Variants in GRAMD1B observed in about 807,000 individuals in gnomAD.
GRAMD1B encodes the protein protein Aster-B.
A neutral mutation model predicts 99.7 loss-of-function variants in GRAMD1B; 37 were observed. That is an observed-to-expected ratio of 0.37 (90% CI 0.29 to 0.49). The LOEUF is 0.49. Ranked by LOEUF, GRAMD1B falls within the 20% of genes least tolerant of loss-of-function variation. GRAMD1B has a pLI of 0.98. For synonymous variants in GRAMD1B, 427 were observed against 387.6 expected, an observed-to-expected ratio of 1.10 and a Z score of -1.19; for missense variants, 888 against 1,009.2, an observed-to-expected ratio of 0.88 and a Z score of 1.63.
rs192558802 is a variant in GRAMD1B, at chr11:123,401,357, A to G, written c.-176+42558A>G. Among the ~76,000 whole-genome samples, 211 of 152,364 alleles carry G rather than the reference A, an allele frequency of 1.4e-3. 1 individual carries two copies. Among genetic ancestry groups the G allele is most frequent in the African/African-American group, 5.0e-3 (207 of 41,592 alleles). On this transcript the variant is annotated intron_variant, in intron 1 of 20. Transcript: ENST00000638157. ...GGCATGTGTTGTGCTCCCAGGTGTC[A>G]CAGCCTGTTGCGTCCGCTCTGGACC...
intron 2 of GRAMD1B, among the ~76,000 whole-genome samples, chr11:123,559,178 G>T (rs1946444711): frequency 6.6e-6 from 1 of 152,212 alleles, no homozygotes; most frequent in African/African-American, 2.4e-5. Flanking sequence ...CCCTAGACCT[G>T]CTCTATCAGA....
intron 1 of GRAMD1B, among the ~76,000 whole-genome samples, chr11:123,364,851 A>C (rs1344261882): frequency 1.3e-5 from 2 of 152,254 alleles, no homozygotes; most frequent in East Asian, 3.9e-4. Context: ...TCAAAAAAAA[A>C]ATTTGCAAAA....
intron 1 of GRAMD1B, among the ~76,000 whole-genome samples, chr11:123,453,950 A>G (rs1319544628): frequency 6.6e-6 from 1 of 152,186 alleles, no homozygotes; most frequent in Non-Finnish European, 1.5e-5. Context: ...AAGGCTCTGT[A>G]TCTTTGTAAA....
intron 2 of GRAMD1B, among the ~76,000 whole-genome samples, chr11:123,540,106 T>C (rs1371974593): frequency 6.6e-6 from 1 of 151,936 alleles, no homozygotes; most frequent in East Asian, 1.9e-4. Flanking sequence ...GTTTCTGTCA[T>C]GTGGGCTGGA....
At chr11:123,607,755 C>T (rs1044231310) in intron 11 of GRAMD1B, 1 of 152,224 alleles carries the variant, frequency 6.6e-6, no homozygotes, top group Non-Finnish European at 1.5e-5. Context: ...AAATGGCAGC[C>T]TCCTCCTGAG....
chr11:123,364,285 G>A (rs1343586752), intron 1 of GRAMD1B, among the ~76,000 whole-genome samples: 1 of 152,212 alleles, frequency 6.6e-6, no homozygotes, highest in African/African-American at 2.4e-5. Flanking sequence ...TGTAGTGGCT[G>A]ATTTTTCCCT....
Position 123,369,321 on chromosome 11 carries a change from C to T in GRAMD1B, c.-176+10522C>T, listed in dbSNP as rs78811842. 9.0e-3 allele frequency among the ~76,000 whole-genome samples: 1,367 copies of T among 151,958 alleles called. 13 individuals carry two copies. The highest frequency in any genetic ancestry group is 0.031 in the African/African-American group (1,285 of 41,444). On this transcript the variant is annotated intron_variant, in intron 1 of 20. Coordinates refer to the GRAMD1B transcript ENST00000638157. ...ATCTCTAAAAAGAAAAAAAGGAAAT[C>T]GCTTGAATATGTTTATCAATACATA...
At chr11:123,401,309 C>G (rs1021619168) in intron 1 of GRAMD1B, among the ~76,000 whole-genome samples, 5 of 152,144 alleles carry the variant, frequency 3.3e-5, no homozygotes, top group African/African-American at 1.2e-4. Flanking sequence ...GGCTATTCTG[C>G]TAGAAGCATC....
chr11:123,393,518 G>T (rs2135869121), intron 1 of GRAMD1B, among the ~76,000 whole-genome samples: 1 of 152,250 alleles, frequency 6.6e-6, no homozygotes, highest in South Asian at 2.1e-4. Flanking sequence ...GTTCCAAGAT[G>T]GCACACTCAC....
chr11:123,604,055 C>T (rs916763521), intron 9 of GRAMD1B, among the ~76,000 whole-genome samples: 6 of 152,078 alleles, frequency 3.9e-5, no homozygotes, highest in South Asian at 2.1e-4. Context: ...TTGTTCCAAA[C>T]GGAGATGGAC....
chr11:123,603,004 G>A (rs191890116), intron 8 of GRAMD1B, among the ~76,000 whole-genome samples: 1 of 152,284 alleles, frequency 6.6e-6, no homozygotes, highest in Admixed American at 6.5e-5. Flanking sequence ...CAGTGTGGTG[G>A]GGCACCGGGT....
chr11:123,391,418 T>G (rs781720689), intron 1 of GRAMD1B, among the ~76,000 whole-genome samples: 19 of 152,184 alleles, frequency 1.2e-4, no homozygotes, highest in Non-Finnish European at 2.6e-4. Flanking sequence ...CCGAGATCAC[T>G]AAAGTCCTTC....
At chr11:123,597,765 A>G (rs1324564994) in intron 7 of GRAMD1B, among the ~76,000 whole-genome samples, 1 of 152,194 alleles carries the variant, frequency 6.6e-6, no homozygotes, top group African/African-American at 2.4e-5. Context: ...TTAAATATAA[A>G]ACATAAAACA....
intron 1 of GRAMD1B, among the ~76,000 whole-genome samples, chr11:123,406,611 C>T (rs1947866285): frequency 6.6e-6 from 1 of 152,124 alleles, no homozygotes. Flanking sequence ...CTGGGCTCTG[C>T]CACTACATAG....
intron 1 of GRAMD1B, among the ~76,000 whole-genome samples, chr11:123,446,519 A>G (rs1403258992): frequency 6.6e-6 from 1 of 152,164 alleles, no homozygotes; most frequent in Non-Finnish European, 1.5e-5. Flanking sequence ...GTATGTTTGA[A>G]GGCAGGGCTG....
At chr11:123,589,637 T>TATATATATATATA (rs1565424189) in intron 4 of GRAMD1B, among the ~76,000 whole-genome samples, 5 of 147,334 alleles carry the variant, frequency 3.4e-5, no homozygotes, top group African/African-American at 1.3e-4. Flanking sequence ...TATATATATA[T>TATATATATATATA]TTGTAGTAGA....
intron 3 of GRAMD1B, among the ~76,000 whole-genome samples, chr11:123,581,098 GT>G (rs1298037395): frequency 6.6e-6 from 1 of 152,060 alleles, no homozygotes; most frequent in Non-Finnish European, 1.5e-5. Flanking sequence ...GGTGGGAGAT[GT>G]TTCTGGAAAC....
At position 123,430,407 on chromosome 11, in the gene GRAMD1B, C is replaced by A. The variant is rs1948816606; in HGVS notation, c.-386C>A. On this transcript the variant is annotated 5_prime_UTR_variant, in exon 1 of 20. The change creates a new upstream start codon in the 5' untranslated region. Coordinates refer to ENST00000635736, the MANE Select transcript of GRAMD1B (RefSeq NM_001387025.1). ...CGCTGAGAGTTTGCTGCACCGCCCC[C>A]TGGGGCCCCTGGCTGCCGAGTCCCG... 2 of 226,604 alleles carry A rather than the reference C, an allele frequency of 8.8e-6. No individual in the cohort carries two copies. Among genetic ancestry groups the A allele is most frequent in the East Asian group, 1.2e-4 (1 of 8,254 alleles). 14.0% of individuals were successfully genotyped at this position (226,604 alleles called of 1,614,324 possible).
At chr11:123,366,302 A>G (rs1946318746) in intron 1 of GRAMD1B, among the ~76,000 whole-genome samples, 1 of 152,252 alleles carries the variant, frequency 6.6e-6, no homozygotes. Flanking sequence ...TAGCAGGAAC[A>G]GTAGGGCTAT....
Sources: gnomAD v4.1 joint callset for allele counts (sites outside exome capture counted in the v4.1 genomes callset) on GRCh38, gnomAD v4.1.1 for gene constraint, MANE v1.5 for transcripts, NCBI Gene and HGNC (gene_info 2026-07-23, HGNC 2026-07-21) for gene names.